The following CFAP210 variants were observed in gnomAD, a reference collection of about 807,000 sequenced individuals.
The protein encoded by CFAP210 is cilia- and flagella- associated protein 210.
chr2:169,691,461 G>A, the CFAP210 span, among the ~76,000 whole-genome samples: 61,926 of 151,740 alleles, frequency 0.41, 12,915 homozygotes, highest in Non-Finnish European at 0.44. Flanking sequence ...AGGTCAGTTG[G>A]GGGGGCAGTC....
At chr2:169,674,405 T>C in the CFAP210 span, among the ~76,000 whole-genome samples, 1 of 152,348 alleles carries the variant, frequency 6.6e-6, no homozygotes, top group South Asian at 2.1e-4. Context: ...ATGACAATAA[T>C]AACCAATATA....
the CFAP210 span, among the ~76,000 whole-genome samples, chr2:169,655,287 C>T: frequency 6.6e-6 from 1 of 152,104 alleles, no homozygotes; most frequent in South Asian, 2.1e-4. Flanking sequence ...CACGAGCCAC[C>T]GTGCCTGGCA....
chr2:169,694,188 G>T, the CFAP210 span: 2 of 1,446,978 alleles, frequency 1.4e-6, no homozygotes, highest in Non-Finnish European at 9.7e-7. Flanking sequence ...CCCTCATTCG[G>T]CATCCTCGCC....
chr2:169,660,000 C>T, the CFAP210 span, among the ~76,000 whole-genome samples: 2 of 152,016 alleles, frequency 1.3e-5, no homozygotes, highest in Non-Finnish European at 2.9e-5. Flanking sequence ...TGTAATGTCT[C>T]ATTTTTCATC....
At chr2:169,646,900 T>C in the CFAP210 span, among the ~76,000 whole-genome samples, 5,197 of 152,260 alleles carry the variant, frequency 0.034, 290 homozygotes, top group African/African-American at 0.12. Flanking sequence ...TAAGAAATGT[T>C]GAGTTTATTT....
the CFAP210 span, among the ~76,000 whole-genome samples, chr2:169,675,666 A>G: frequency 6.6e-6 from 1 of 152,326 alleles, no homozygotes; most frequent in Admixed American, 6.5e-5. Flanking sequence ...TTACATTTCA[A>G]TATGATATCT....
chr2:169,671,981 T>C, the CFAP210 span, among the ~76,000 whole-genome samples: 62,002 of 152,062 alleles, frequency 0.41, 12,930 homozygotes, highest in Non-Finnish European at 0.44. Context: ...CATCTCTTTT[T>C]TGCTACATGC....
chr2:169,668,198 C>T, the CFAP210 span, among the ~76,000 whole-genome samples: 1 of 152,214 alleles, frequency 6.6e-6, no homozygotes, highest in Non-Finnish European at 1.5e-5. Context: ...TTCCTCAAAC[C>T]TCATGAACCA....
At chr2:169,649,242 CTCCTTT>C in the CFAP210 span, 1 of 1,613,736 alleles carries the variant, frequency 6.2e-7, no homozygotes, top group Non-Finnish European at 8.5e-7. Flanking sequence ...TGCATTTTTT[CTCCTTT>C]TCATGTTCCC....
At chr2:169,654,624 T>C in the CFAP210 span, among the ~76,000 whole-genome samples, 1 of 152,198 alleles carries the variant, frequency 6.6e-6, no homozygotes, top group African/African-American at 2.4e-5. Flanking sequence ...TATAAATGAC[T>C]GGAAGAAATG....
the CFAP210 span, among the ~76,000 whole-genome samples, chr2:169,660,421 GT>G: frequency 0.41 from 60,546 of 148,056 alleles, 12,640 homozygotes; most frequent in Non-Finnish European, 0.44. Flanking sequence ...TCATTTCACT[GT>G]TTTTTTTTGT....
chr2:169,648,427 C>T, the CFAP210 span, among the ~76,000 whole-genome samples: 1 of 144,948 alleles, frequency 6.9e-6, no homozygotes, highest in Non-Finnish European at 1.5e-5. Context: ...TACACTTAAC[C>T]ATGCTTAAAA....
chr2:169,648,414 C>G, the CFAP210 span, among the ~76,000 whole-genome samples: 1 of 151,096 alleles, frequency 6.6e-6, no homozygotes, highest in African/African-American at 2.5e-5. Flanking sequence ...TGCCTCTGAA[C>G]TGTACACTTA....
chr2:169,694,396 C>G, the CFAP210 span: 2 of 1,480,476 alleles, frequency 1.4e-6, no homozygotes, highest in South Asian at 2.3e-5. Flanking sequence ...GGAGTTGTTA[C>G]TCGTACCACG....
chr2:169,652,867 G>T, the CFAP210 span, among the ~76,000 whole-genome samples: 1 of 148,328 alleles, frequency 6.7e-6, no homozygotes, highest in African/African-American at 2.5e-5. Flanking sequence ...GGGCCTGGTG[G>T]CGGGCTCCTG....
chr2:169,663,588 C>T, the CFAP210 span, among the ~76,000 whole-genome samples: 1 of 151,948 alleles, frequency 6.6e-6, no homozygotes, highest in African/African-American at 2.4e-5. Context: ...ATTCCCTTCC[C>T]CTATGCCATG....
the CFAP210 span, among the ~76,000 whole-genome samples, chr2:169,651,601 C>T: frequency 1.2e-3 from 184 of 151,294 alleles, no homozygotes; most frequent in African/African-American, 4.2e-3. Flanking sequence ...GTGATCCGCC[C>T]GCCTCAGCCT....
At chr2:169,683,923 G>A in the CFAP210 span, among the ~76,000 whole-genome samples, 2 of 152,198 alleles carry the variant, frequency 1.3e-5, no homozygotes, top group African/African-American at 4.8e-5. Context: ...TCAGGCCACT[G>A]AAGTTGGGGC....
chr2:169,677,781 A>T, the CFAP210 span, among the ~76,000 whole-genome samples: 1 of 152,198 alleles, frequency 6.6e-6, no homozygotes. Flanking sequence ...AACTGTCTTT[A>T]TTCTCTGATG....
Sources: gnomAD v4.1 joint callset for allele counts (sites outside exome capture counted in the v4.1 genomes callset) on GRCh38, gnomAD v4.1.1 for gene constraint, MANE v1.5 for transcripts, NCBI Gene and HGNC (gene_info 2026-07-23, HGNC 2026-07-21) for gene names.